NELL1: variants seen among roughly 807,000 people sequenced by gnomAD.
NELL1 encodes neural EGFL like 1, also known as protein kinase C-binding protein NELL1.
In NELL1, 76 loss-of-function variants were observed where a neutral mutation model predicts 107.4. The observed-to-expected ratio is 0.71, with a 90% CI of 0.59 to 0.86. The LOEUF (loss-of-function observed/expected upper bound fraction) is 0.86, where lower values mean the gene tolerates loss of function less well. NELL1 is among the 40% of genes least tolerant of loss of function. NELL1 has a pLI of 0.00. For missense variants in NELL1, 1,024 were observed against 1,005.5 expected (o/e 1.02, Z -0.25); for synonymous variants, 353 against 341.2 (o/e 1.03, Z -0.38).
chr11:21,514,656 C>A (rs1256087550), intron 15 of NELL1, among the ~76,000 whole-genome samples: 1 of 152,016 alleles, frequency 6.6e-6, no homozygotes, highest in Non-Finnish European at 1.5e-5. Flanking sequence ...AAATATAGCT[C>A]CCCTGTGCCA....
At chr11:20,975,025 T>G (rs1394339388) in intron 12 of NELL1, among the ~76,000 whole-genome samples, 3 of 152,098 alleles carry the variant, frequency 2.0e-5, no homozygotes, top group African/African-American at 7.2e-5. Flanking sequence ...TTTCTTCTCT[T>G]TTCAGATGGA....
At chr11:21,322,941 A>C (rs529470874) in intron 14 of NELL1, among the ~76,000 whole-genome samples, 2 of 151,326 alleles carry the variant, frequency 1.3e-5, no homozygotes, top group African/African-American at 4.9e-5. Context: ...AAGTGAATTG[A>C]AAGTGCCCCC....
chr11:21,234,169 T>A (rs1858138736), intron 14 of NELL1, among the ~76,000 whole-genome samples: 1 of 152,240 alleles, frequency 6.6e-6, no homozygotes, highest in Non-Finnish European at 1.5e-5. Context: ...GCAAACTGGC[T>A]ATGTAACTTG....
In NELL1 at chr11:21,569,253, A is replaced by C. The variant is rs117526276; in HGVS notation, c.1981-1511A>C. 4.5e-3 allele frequency among the ~76,000 whole-genome samples: 681 copies of C among 152,024 alleles called. 4 individuals are homozygous for C. The highest frequency in any genetic ancestry group is 7.4e-3 in the Non-Finnish European group (500 of 67,894). Reference sequence around the variant, plus strand: ...CATTAAAGAAACTACAACACTTAAAACAAGGTGAGCATTAAATTCAATTCA... The same window carrying C: ...CATTAAAGAAACTACAACACTTAAACCAAGGTGAGCATTAAATTCAATTCA... On this transcript the variant is annotated intron_variant, in intron 17 of 19. Coordinates refer to ENST00000357134, the MANE Select transcript of NELL1 (RefSeq NM_006157.5).
At chr11:21,402,531 T>C (rs567425015) in intron 15 of NELL1, among the ~76,000 whole-genome samples, 1 of 151,728 alleles carries the variant, frequency 6.6e-6, no homozygotes, top group South Asian at 2.1e-4. Context: ...TCATCATCAC[T>C]CCATAACCAG....
At chr11:21,499,087 C>T (rs1374565494) in intron 15 of NELL1, among the ~76,000 whole-genome samples, 1 of 151,812 alleles carries the variant, frequency 6.6e-6, no homozygotes, top group African/African-American at 2.4e-5. Context: ...ACTATTAATG[C>T]TTTTTTTCCT....
chr11:20,753,491 C>T (rs774181224), intron 2 of NELL1, among the ~76,000 whole-genome samples: 2 of 152,126 alleles, frequency 1.3e-5, no homozygotes, highest in Non-Finnish European at 2.9e-5. Flanking sequence ...GGTCTTTGTG[C>T]CCCTACATTA....
chr11:20,762,627 A>C (rs1274953345), intron 2 of NELL1, among the ~76,000 whole-genome samples: 1 of 152,234 alleles, frequency 6.6e-6, no homozygotes, highest in Non-Finnish European at 1.5e-5. Context: ...CCATACCCAC[A>C]GTGACAGACT....
chr11:21,258,302 G>A lies in NELL1; in HGVS notation c.1549+28848G>A, dbSNP rs114532300. Reference sequence around the variant, plus strand: ...GATGGTGTTTGCTGAAGCATGGACTGTGGAAACAGACCTCAATTGAAATTC... The same window carrying A: ...GATGGTGTTTGCTGAAGCATGGACTATGGAAACAGACCTCAATTGAAATTC... On this transcript the variant is annotated intron_variant, in intron 14 of 19. Transcript: ENST00000357134. 3.6e-3 allele frequency among the ~76,000 whole-genome samples: 545 copies of A among 152,156 alleles called. 4 individuals are homozygous for A. Among genetic ancestry groups the A allele is most frequent in the African/African-American group, 0.013 (520 of 41,546 alleles).
intron 15 of NELL1, among the ~76,000 whole-genome samples, chr11:21,373,394 G>A (rs1055813313): frequency 6.6e-6 from 1 of 152,106 alleles, no homozygotes; most frequent in African/African-American, 2.4e-5. Flanking sequence ...AAGGAAAAAT[G>A]CAAATGAATT....
At chr11:21,507,467 A>G (rs954447589) in intron 15 of NELL1, among the ~76,000 whole-genome samples, 10 of 152,200 alleles carry the variant, frequency 6.6e-5, no homozygotes, top group African/African-American at 2.4e-4. Flanking sequence ...TGGAAGAAAT[A>G]TAATAAATGA....
rs11450238 is a variant in NELL1, at chr11:21,399,045, GA to G, written c.1645+28107del. On this transcript the variant is annotated intron_variant, in intron 15 of 19. Coordinates refer to ENST00000357134, the MANE Select transcript of NELL1 (RefSeq NM_006157.5). Reference sequence around the variant, plus strand: ...AACAGCCATGTCTCTTCTGAAGAAAGAAAAAAAAAATATTAGACGAGCTCAG... The same window carrying G: ...AACAGCCATGTCTCTTCTGAAGAAAGAAAAAAAAATATTAGACGAGCTCAG... Among the ~76,000 whole-genome samples the G allele has an allele frequency of 6.8e-4, 102 of 149,916 alleles. 1 individual carries two copies. The highest frequency in any genetic ancestry group is 1.5e-3 in the South Asian group (7 of 4,742).
intron 15 of NELL1, among the ~76,000 whole-genome samples, chr11:21,412,885 A>G (rs1323872532): frequency 1.3e-5 from 2 of 152,102 alleles, no homozygotes; most frequent in African/African-American, 4.8e-5. Flanking sequence ...CAACCCTCAC[A>G]TTGCAACCCT....
intron 13 of NELL1, among the ~76,000 whole-genome samples, chr11:21,150,377 G>T (rs930264610): frequency 6.6e-6 from 1 of 152,226 alleles, no homozygotes; most frequent in African/African-American, 2.4e-5. Context: ...GACTGTAATG[G>T]ATTCCTTGTT....
chr11:20,768,097 C>T lies in NELL1; in HGVS notation c.185-15583C>T, dbSNP rs1277540166. On this transcript the variant is annotated intron_variant, in intron 2 of 19. Transcript: ENST00000357134. ...GATAATATTATTATTAATAATCACT[C>T]ACATTATTAATGACGAACACTTCAT... 4.6e-5 allele frequency among the ~76,000 whole-genome samples: 7 copies of T among 152,250 alleles called. No homozygotes were observed. In the East Asian group the frequency reaches 7.7e-4, roughly 17 times the overall value.
chr11:21,471,645 AGT>A (rs1229873394), intron 15 of NELL1, among the ~76,000 whole-genome samples: 3 of 152,106 alleles, frequency 2.0e-5, no homozygotes, highest in African/African-American at 7.2e-5. Context: ...GTGATGAAGT[AGT>A]GCCACTTCTA....
intron 13 of NELL1, among the ~76,000 whole-genome samples, chr11:21,183,633 C>T (rs1424447883): frequency 2.6e-5 from 4 of 151,842 alleles, no homozygotes; most frequent in African/African-American, 4.9e-5. Flanking sequence ...GCCTATAAAA[C>T]GCAGGTTGAG....
intron 12 of NELL1, among the ~76,000 whole-genome samples, chr11:20,969,159 A>G (rs760468555): frequency 1.2e-4 from 18 of 152,118 alleles, no homozygotes; most frequent in African/African-American, 2.7e-4. Flanking sequence ...CTACTTAACC[A>G]TGCCCTTTTC....
intron 15 of NELL1, among the ~76,000 whole-genome samples, chr11:21,403,090 T>G (rs2133799513): frequency 6.6e-6 from 1 of 151,850 alleles, no homozygotes; most frequent in East Asian, 2.0e-4. Context: ...TGTTACATTG[T>G]ATAAAATTGT....
Sources: allele counts gnomAD v4.1 joint callset (sites outside exome capture counted in the v4.1 genomes callset), GRCh38; gene constraint gnomAD v4.1.1; transcripts MANE v1.5; gene names NCBI Gene and HGNC (gene_info 2026-07-23, HGNC 2026-07-21).